Variants in ADAM18 observed in about 807,000 individuals in gnomAD.
ADAM18 encodes the protein disintegrin and metalloproteinase domain-containing protein 18.
ADAM18 carries 117 observed loss-of-function variants against 94.4 expected under a neutral mutation model. That is an observed-to-expected ratio of 1.24 (90% CI 1.07 to 1.45). ADAM18 has a LOEUF of 1.45. ADAM18 is among the 40% of genes most tolerant of loss of function. ADAM18 has a pLI of 0.00. For missense variants in ADAM18, 936 were observed against 880.0 expected, an observed-to-expected ratio of 1.06 and a Z score of -0.81; for synonymous variants, 327 against 291.6, an observed-to-expected ratio of 1.12 and a Z score of -1.24.
intron 9 of ADAM18, 53 bp from the exon 10 acceptor site, chr8:39,638,412 A>T: frequency 8.0e-7 from 1 of 1,251,340 alleles, no homozygotes. Context: ...TTAATACATA[A>T]GCTTACAAAT....
chr8:39,667,503 T>C (rs1423909173), intron 13 of ADAM18, among the ~76,000 whole-genome samples: 2 of 152,140 alleles, frequency 1.3e-5, no homozygotes, highest in Non-Finnish European at 2.9e-5. Flanking sequence ...CCATTACTCC[T>C]GTTCAATACT....
intron 17 of ADAM18, among the ~76,000 whole-genome samples, chr8:39,699,653 C>G (rs1050664502): frequency 6.6e-6 from 1 of 152,058 alleles, no homozygotes. Flanking sequence ...AGTTTTTCAT[C>G]TAATAACTGG....
At chr8:39,662,770 A>G (rs1004552988) in intron 12 of ADAM18, among the ~76,000 whole-genome samples, 3 of 152,018 alleles carry the variant, frequency 2.0e-5, no homozygotes, top group African/African-American at 7.2e-5. Flanking sequence ...GATTACAGGC[A>G]CACACCACCA....
chr8:39,640,736 T>C (rs1275563236), intron 10 of ADAM18, among the ~76,000 whole-genome samples: 1 of 152,204 alleles, frequency 6.6e-6, no homozygotes, highest in Non-Finnish European at 1.5e-5. Flanking sequence ...TGATGTAAGG[T>C]GCTATCTCAT....
rs138994190 is a variant in ADAM18, at chr8:39,597,403, G to T, written c.133-8904G>T. Among the ~76,000 whole-genome samples, 26 of 152,168 alleles carry T rather than the reference G, an allele frequency of 1.7e-4. No individual in the cohort carries two copies. In the East Asian group the frequency reaches 4.8e-3, roughly 28 times the overall value. ...GTTCTCTTCAAGTAGTTTTATAGTTGTGTATTTTACATTTTGGTCTGTTAT... is the reference window on the plus strand; with the variant it reads ...GTTCTCTTCAAGTAGTTTTATAGTTTTGTATTTTACATTTTGGTCTGTTAT... On this transcript the variant is annotated intron_variant, in intron 2 of 19. Coordinates refer to ENST00000265707, the MANE Select transcript of ADAM18 (RefSeq NM_014237.3).
rs1463565333 is a variant in ADAM18, at chr8:39,723,913, T to TTCATATTTATATAGA, written c.2177+6_2177+7insTCATATTTATATAGA. Reference sequence around the variant, plus strand: ...GAGAATGCAGAGTATAATCGGTAAATATGATATAGAATCAATGTATTAGGT... The same window carrying TTCATATTTATATAGA: ...GAGAATGCAGAGTATAATCGGTAAATTCATATTTATATAGAATGATATAGAATCAATGTATTAGGT... On this transcript the variant is annotated splice_region_variant and intron_variant, in intron 19 of 19. Transcript: ENST00000265707. 1 of 1,463,954 alleles carries TTCATATTTATATAGA rather than the reference T, an allele frequency of 6.8e-7. No individual in the cohort carries two copies. Among genetic ancestry groups the TTCATATTTATATAGA allele is most frequent in the African/African-American group, 1.4e-5 (1 of 69,096 alleles). The allele number at this position is 1,463,954 out of a possible 1,614,324, so 90.7% of individuals were successfully genotyped here.
chr8:39,626,125 T>C (rs1456943768), intron 6 of ADAM18, among the ~76,000 whole-genome samples: 1 of 152,206 alleles, frequency 6.6e-6, no homozygotes, highest in East Asian at 1.9e-4. Context: ...TTCTATTTCA[T>C]CTTGATTCAA....
intron 11 of ADAM18, among the ~76,000 whole-genome samples, chr8:39,645,862 T>C (rs1374339272): frequency 6.6e-6 from 1 of 152,176 alleles, no homozygotes; most frequent in African/African-American, 2.4e-5. Context: ...CCATATCTAT[T>C]TATACACTAA....
chr8:39,675,424 T>A (rs1187451232), intron 14 of ADAM18, among the ~76,000 whole-genome samples: 1 of 152,212 alleles, frequency 6.6e-6, no homozygotes, highest in Non-Finnish European at 1.5e-5. Context: ...CGGCTATTGA[T>A]GTTTGTGCAT....
chr8:39,601,072 G>C (rs551296453), intron 2 of ADAM18, among the ~76,000 whole-genome samples: 2 of 152,192 alleles, frequency 1.3e-5, no homozygotes, highest in Non-Finnish European at 2.9e-5. Context: ...GGCCAGAGCA[G>C]GAGGAAGAGA....
chr8:39,680,606 G>T (rs1008396711), intron 16 of ADAM18, among the ~76,000 whole-genome samples: 1 of 152,086 alleles, frequency 6.6e-6, no homozygotes. Flanking sequence ...CAAAATATAA[G>T]TGTACAAAAG....
chr8:39,654,653 T>C (rs1014140587), intron 12 of ADAM18, among the ~76,000 whole-genome samples: 1 of 74,586 alleles, frequency 1.3e-5, no homozygotes, highest in African/African-American at 4.4e-5. Flanking sequence ...ATACTTTAGA[T>C]TTCCATTAAC....
intron 2 of ADAM18, among the ~76,000 whole-genome samples, chr8:39,585,728 A>G (rs1818376753): frequency 1.3e-5 from 2 of 152,210 alleles, no homozygotes; most frequent in African/African-American, 4.8e-5. Flanking sequence ...GACATGCAAA[A>G]TTTGACCCAC....
In ADAM18 at chr8:39,611,029, G is replaced by T. The variant is rs763451879; in HGVS notation, c.522+323G>T. On this transcript the variant is annotated intron_variant, in intron 6 of 19. Transcript: ENST00000265707. ...TTGGTAAAATTACTTTTAATATTTT[G>T]TTATATATCTTACATACTACCTGAA... is the stretch of plus-strand genomic sequence containing the variant. The T allele has an allele frequency of 3.7e-6, 4 of 1,081,578 alleles. No homozygotes were observed. In the Admixed American group the frequency reaches 1.5e-4, roughly 42 times the overall value. The allele number at this position is 1,081,578 out of a possible 1,614,324, so 67.0% of individuals were successfully genotyped here.
chr8:39,670,177 G>A (rs1821115750), intron 14 of ADAM18, among the ~76,000 whole-genome samples: 2 of 151,320 alleles, frequency 1.3e-5, no homozygotes, highest in Admixed American at 6.6e-5. Context: ...TTTTTTTCTT[G>A]TAAATTTGTT....
At chr8:39,629,190 A>G (rs946332551) in intron 6 of ADAM18, among the ~76,000 whole-genome samples, 184 bp from the exon 7 acceptor site, 30 of 151,900 alleles carry the variant, frequency 2.0e-4, no homozygotes, top group African/African-American at 7.0e-4. Flanking sequence ...TGGCAGGTTC[A>G]TTGTAAATAT....
intron 2 of ADAM18, among the ~76,000 whole-genome samples, chr8:39,596,498 A>C (rs950918174): frequency 1.3e-5 from 2 of 152,090 alleles, no homozygotes; most frequent in Non-Finnish European, 2.9e-5. Context: ...TATGTCTTTT[A>C]ATGGTTTGAT....
intron 18 of ADAM18, among the ~76,000 whole-genome samples, chr8:39,712,365 C>G (rs1172376830): frequency 6.6e-6 from 1 of 152,016 alleles, no homozygotes; most frequent in Non-Finnish European, 1.5e-5. Context: ...TGGAAGCATT[C>G]CCTTTGAAAA....
chr8:39,644,329 G>A (rs1161835748), intron 10 of ADAM18, among the ~76,000 whole-genome samples: 3 of 152,128 alleles, frequency 2.0e-5, no homozygotes, highest in South Asian at 2.1e-4. Flanking sequence ...ATCTCACTCT[G>A]TAGCCCAGGC....
Sources: allele counts gnomAD v4.1 joint callset (sites outside exome capture counted in the v4.1 genomes callset), GRCh38; gene constraint gnomAD v4.1.1; transcripts MANE v1.5; gene names NCBI Gene and HGNC (gene_info 2026-07-23, HGNC 2026-07-21).